Variants in GPATCH1 observed in about 807,000 individuals in gnomAD.
The protein encoded by GPATCH1 is G patch domain-containing protein 1.
GPATCH1 carries 73 observed loss-of-function variants against 114.9 expected under a neutral mutation model. The observed-to-expected ratio is 0.64, with a 90% CI of 0.53 to 0.77. GPATCH1 has a LOEUF of 0.77. GPATCH1 is among the 30% of genes least tolerant of loss of function. The pLI is 0.00. For missense variants in GPATCH1, 1,058 were observed against 1,144.3 expected, an observed-to-expected ratio of 0.92 and a Z score of 1.09; for synonymous variants, 391 against 428.4, an observed-to-expected ratio of 0.91 and a Z score of 1.08.
chr19:33,107,357 A>G (rs937888279), intron 10 of GPATCH1, among the ~76,000 whole-genome samples: 4 of 152,184 alleles, frequency 2.6e-5, no homozygotes, highest in Admixed American at 1.3e-4. Context: ...GCGCCCAGCC[A>G]AGGCTTGTTT....
At chr19:33,098,818 C>T (rs905290096) in intron 8 of GPATCH1, among the ~76,000 whole-genome samples, 7 of 152,064 alleles carry the variant, frequency 4.6e-5, no homozygotes, top group African/African-American at 1.7e-4. Flanking sequence ...CAGGGTTTTA[C>T]ACAGGACACT....
rs111835895 is a variant in GPATCH1 at position 33,085,459 on chromosome 19, A to T, written c.74-2675A>T. On this transcript the variant is annotated intron_variant, in intron 1 of 19. Transcript: ENST00000170564. ...GCTTCTAATGACTCGAACCACTCCT[A>T]CCTGGGCCTCTCAAAGTGCTGGGAT... 3.9e-3 allele frequency among the ~76,000 whole-genome samples: 591 copies of T among 151,862 alleles called. 5 individuals are homozygous for T. Among genetic ancestry groups the T allele is most frequent in the African/African-American group, 0.014 (563 of 41,438 alleles).
At chr19:33,113,630 T>G (rs1478426607) in intron 13 of GPATCH1, 137 bp from the exon 14 acceptor site, 3 of 632,364 alleles carry the variant, frequency 4.7e-6, no homozygotes, top group African/African-American at 1.9e-5. Flanking sequence ...ATTCTCGAAC[T>G]GCTTTGAGAA....
chr19:33,127,481 C>A (rs865870707), intron 19 of GPATCH1, among the ~76,000 whole-genome samples: 13 of 150,308 alleles, frequency 8.6e-5, no homozygotes, highest in East Asian at 7.9e-4. Flanking sequence ...GTGCCACTGC[C>A]CTCCAGCCTG....
At chr19:33,097,643 A>G (rs988501788) in intron 7 of GPATCH1, 112 bp from the exon 8 acceptor site, 50 of 957,038 alleles carry the variant, frequency 5.2e-5, no homozygotes, top group Non-Finnish European at 7.9e-5. Context: ...TCTCTTGGTG[A>G]TCTTGAAGTG....
chr19:33,121,577 C>G (rs1972985443), intron 17 of GPATCH1, among the ~76,000 whole-genome samples: 1 of 152,020 alleles, frequency 6.6e-6, no homozygotes, highest in South Asian at 2.1e-4. Flanking sequence ...CCTCAGCCTC[C>G]CAATGTGCTG....
intron 2 of GPATCH1, among the ~76,000 whole-genome samples, chr19:33,090,224 C>G (rs537771840): frequency 2.0e-5 from 3 of 152,310 alleles, no homozygotes; most frequent in Admixed American, 6.5e-5. Flanking sequence ...TCTGTTGAAA[C>G]TGGGGGACTG....
intron 15 of GPATCH1, 23 bp downstream of exon 15, chr19:33,114,442 CTT>C: frequency 6.4e-7 from 1 of 1,557,600 alleles, no homozygotes; most frequent in Non-Finnish European, 8.7e-7. Flanking sequence ...TCCAGATTCT[CTT>C]TGCCACGCTG....
intron 6 of GPATCH1, 65 bp from the exon 7 acceptor site, chr19:33,096,142 G>A (rs1487963505): frequency 6.5e-7 from 1 of 1,531,008 alleles, no homozygotes; most frequent in East Asian, 2.3e-5. Context: ...TTTTCAATTA[G>A]TATTTTGTGG....
chr19:33,112,952 T>A (rs1972873963), intron 13 of GPATCH1: 1 of 181,522 alleles, frequency 5.5e-6, no homozygotes, highest in African/African-American at 2.4e-5. Context: ...TAAATTATCA[T>A]TATAAAAGTT....
chr19:33,110,717 A>G (rs1331085042), intron 11 of GPATCH1, among the ~76,000 whole-genome samples: 1 of 151,640 alleles, frequency 6.6e-6, no homozygotes, highest in Non-Finnish European at 1.5e-5. Context: ...GGTTGAGGTG[A>G]ACTTATCACT....
chr19:33,117,699 T>A, intron 15 of GPATCH1, 126 bp from the exon 16 acceptor site: 1 of 681,854 alleles, frequency 1.5e-6, no homozygotes, highest in South Asian at 1.7e-5. Flanking sequence ...GGGTGGTGTG[T>A]GGCTATGGAT....
intron 17 of GPATCH1, 91 bp downstream of exon 17, chr19:33,119,208 C>T (rs1972949513): frequency 1.2e-5 from 7 of 606,766 alleles, no homozygotes; most frequent in Admixed American, 3.3e-5. Context: ...ACCAAACATA[C>T]GTGCTTGCTT....
At chr19:33,122,900 T>TA (rs956527424) in intron 17 of GPATCH1, among the ~76,000 whole-genome samples, 8 of 150,444 alleles carry the variant, frequency 5.3e-5, no homozygotes, top group East Asian at 2.0e-4. Flanking sequence ...TTGTATCTCT[T>TA]AAAAAAATAA....
At chr19:33,116,765 G>A (rs1013360083) in intron 15 of GPATCH1, among the ~76,000 whole-genome samples, 4 of 152,212 alleles carry the variant, frequency 2.6e-5, no homozygotes, top group South Asian at 4.2e-4. Flanking sequence ...TCCTGACCTC[G>A]TGATCCACCC....
rs745508107 is a variant in GPATCH1 at position 33,111,757 on chromosome 19, C to T, written c.1619C>T (p.Thr540Ile). The change falls in exon 12 of 20, where the codon ACA (threonine) becomes ATA (isoleucine). Residue 540 changes from threonine to isoleucine, a missense_variant. Transcript: ENST00000170564. ...GAACGCTGTCTGGACCCCAGCATGA[C>T]AGAGTGGGAGCGAGGCCGTGAGCGG... is the stretch of plus-strand genomic sequence containing the variant. ...ALERCLDPSM[T>I]EWERGRERDE... 6.2e-7 allele frequency: 1 copy of T among 1,613,986 alleles called. No individual in the cohort carries two copies. Among genetic ancestry groups the T allele is most frequent in the African/African-American group, 1.3e-5 (1 of 74,930 alleles).
At chr19:33,117,247 T>C (rs77643773) in intron 15 of GPATCH1, among the ~76,000 whole-genome samples, 3,024 of 152,280 alleles carry the variant, frequency 0.02, 86 homozygotes, top group African/African-American at 0.069. Context: ...ATGTGATTTT[T>C]CTCCTAGCTG....
chr19:33,120,405 T>C (rs572317696), intron 17 of GPATCH1, among the ~76,000 whole-genome samples: 4 of 147,910 alleles, frequency 2.7e-5, no homozygotes, highest in Non-Finnish European at 5.9e-5. Context: ...TAGCCAGGCA[T>C]GGTGGTGTGT....
chr19:33,108,396 TTCC>T (rs1972811401), intron 10 of GPATCH1, among the ~76,000 whole-genome samples: 2 of 152,242 alleles, frequency 1.3e-5, no homozygotes, highest in East Asian at 1.9e-4. Flanking sequence ...GTGTAGCGTC[TTCC>T]TCCTCCTTTC....
Sources: gnomAD v4.1 joint callset for allele counts (sites outside exome capture counted in the v4.1 genomes callset) on GRCh38, gnomAD v4.1.1 for gene constraint, MANE v1.5 for transcripts, NCBI Gene and HGNC (gene_info 2026-07-23, HGNC 2026-07-21) for gene names.